Variants in RTN1 observed in about 807,000 individuals in gnomAD.
The protein encoded by RTN1 is reticulon 1, also known as reticulon-1.
RTN1 carries 25 observed loss-of-function variants against 65.5 expected under a neutral mutation model. The ratio of observed to expected loss-of-function variants is 0.38; its 90% CI spans 0.28 to 0.53. The LOEUF (loss-of-function observed/expected upper bound fraction) is 0.53, where lower values mean the gene tolerates loss of function less well. Ranked by LOEUF, RTN1 falls within the 20% of genes least tolerant of loss-of-function variation. The pLI is 0.79. For synonymous variants in RTN1, 471 were observed against 447.6 expected (o/e 1.05, Z -0.66); for missense variants, 983 against 1,025.4 (o/e 0.96, Z 0.57).
At chr14:59,609,192 G>A (rs1011280344) in intron 3 of RTN1, among the ~76,000 whole-genome samples, 10 of 151,824 alleles carry the variant, frequency 6.6e-5, no homozygotes, top group African/African-American at 2.4e-4. Context: ...GGCTGAGGCA[G>A]AAGAATCGCT....
At chr14:59,597,641 G>A (rs529044393) in intron 8 of RTN1, among the ~76,000 whole-genome samples, 1 of 152,296 alleles carries the variant, frequency 6.6e-6, no homozygotes, top group East Asian at 1.9e-4. Context: ...TAAACTAGAA[G>A]ACAAGAGAAG....
intron 3 of RTN1, among the ~76,000 whole-genome samples, chr14:59,695,524 G>A (rs1158583940): frequency 6.6e-6 from 1 of 152,118 alleles, no homozygotes; most frequent in East Asian, 1.9e-4. Flanking sequence ...GTTCCAAAAC[G>A]AAAACATGCA....
At chr14:59,845,906 T>A (rs1887400103) in intron 1 of RTN1, among the ~76,000 whole-genome samples, 1 of 151,918 alleles carries the variant, frequency 6.6e-6, no homozygotes, top group Admixed American at 6.6e-5. Flanking sequence ...TAGAACATGC[T>A]AGAGGAGAAA....
intron 1 of RTN1, among the ~76,000 whole-genome samples, chr14:59,756,704 T>G (rs919228820): frequency 5.9e-5 from 9 of 152,200 alleles, no homozygotes; most frequent in Non-Finnish European, 1.0e-4. Context: ...CTCAATGCTA[T>G]GTATAACATG....
intron 3 of RTN1, among the ~76,000 whole-genome samples, chr14:59,638,415 TTGA>T (rs750931443): frequency 1.3e-5 from 2 of 152,210 alleles, no homozygotes; most frequent in Non-Finnish European, 2.9e-5. Flanking sequence ...TATCCAGGCT[TTGA>T]TGTTAAATTT....
intron 3 of RTN1, among the ~76,000 whole-genome samples, chr14:59,664,306 G>A (rs535574229): frequency 3.3e-5 from 5 of 152,214 alleles, no homozygotes; most frequent in African/African-American, 7.2e-5. Context: ...ATCACATATC[G>A]GGGCCTGTCA....
At chr14:59,660,067 C>A (rs1453842180) in intron 3 of RTN1, among the ~76,000 whole-genome samples, 1 of 151,828 alleles carries the variant, frequency 6.6e-6, no homozygotes, top group African/African-American at 2.4e-5. Context: ...AAATGGAAAG[C>A]AAAACAAGCA....
chr14:59,819,429 CCCA>C lies in RTN1; in HGVS notation c.241+50958_241+50960del, dbSNP rs1420857058. On this transcript the variant is annotated intron_variant, in intron 1 of 8. Coordinates refer to ENST00000267484, the MANE Select transcript of RTN1 (RefSeq NM_021136.3). ...CACCACCACCACCCCCCCCCCACCC[CCCA>C]CCCCCCCCCCCCGGCCACAGCTAGA... 1.6e-3 allele frequency among the ~76,000 whole-genome samples: 23 copies of C among 14,494 alleles called. 1 individual carries two copies. The highest frequency in any genetic ancestry group is 5.5e-3 in the East Asian group (2 of 366). The allele number at this position is 14,494 out of a possible 152,430, so 9.5% of individuals were successfully genotyped here. A position where few individuals can be genotyped will look rare whatever the true frequency, so the allele number is the denominator to read the frequency against.
intron 8 of RTN1, among the ~76,000 whole-genome samples, chr14:59,600,014 AT>A (rs1381449254): frequency 2.0e-5 from 3 of 152,174 alleles, no homozygotes; most frequent in African/African-American, 7.2e-5. Flanking sequence ...CGAAGCTTTA[AT>A]TTCCTCTACA....
intron 1 of RTN1, among the ~76,000 whole-genome samples, chr14:59,831,108 C>T (rs1887117041): frequency 6.6e-6 from 1 of 152,198 alleles, no homozygotes; most frequent in Non-Finnish European, 1.5e-5. Context: ...TTCTCTTCAT[C>T]TACACTTGAA....
chr14:59,667,563 G>C (rs2103969), intron 3 of RTN1, among the ~76,000 whole-genome samples: 121,404 of 152,120 alleles, frequency 0.8, 48,570 homozygotes, highest in Admixed American at 0.86. Context: ...ACAAGGATGA[G>C]CTCTCTCACC....
intron 1 of RTN1, among the ~76,000 whole-genome samples, chr14:59,768,923 A>G (rs1218919469): frequency 1.3e-5 from 2 of 152,208 alleles, no homozygotes; most frequent in East Asian, 3.9e-4. Flanking sequence ...CAGAGACTTG[A>G]ACAAGGTATT....
intron 3 of RTN1, among the ~76,000 whole-genome samples, chr14:59,628,362 T>G (rs534078804): frequency 2.0e-4 from 31 of 152,260 alleles, no homozygotes; most frequent in Non-Finnish European, 3.1e-4. Flanking sequence ...CACAACTGTT[T>G]TTGATAATAA....
At chr14:59,865,650 CA>C (rs1471086882) in intron 1 of RTN1, among the ~76,000 whole-genome samples, 2 of 152,138 alleles carry the variant, frequency 1.3e-5, no homozygotes, top group African/African-American at 4.8e-5. Flanking sequence ...TTTAACCAAA[CA>C]AAACTGGTTG....
chr14:59,739,521 A>G (rs550203967), intron 2 of RTN1, among the ~76,000 whole-genome samples: 4 of 149,060 alleles, frequency 2.7e-5, no homozygotes, highest in Non-Finnish European at 5.9e-5. Flanking sequence ...AGCCTGGGCA[A>G]CAGAGCGAGA....
chr14:59,752,511 A>T (rs1282822052), intron 1 of RTN1, among the ~76,000 whole-genome samples: 1 of 152,086 alleles, frequency 6.6e-6, no homozygotes, highest in Non-Finnish European at 1.5e-5. Context: ...GTGCACAAAC[A>T]TTCAGATCAC....
chr14:59,857,528 G>T (rs773462954), intron 1 of RTN1, among the ~76,000 whole-genome samples: 1 of 151,766 alleles, frequency 6.6e-6, no homozygotes, highest in Admixed American at 6.6e-5. Context: ...TCCTCCCCTC[G>T]TCCCCAGATA....
chr14:59,607,252 A>C lies in RTN1; in HGVS notation c.1973+33T>G, dbSNP rs1881786701. The stretch of plus-strand genomic sequence containing the variant: ...CAGGTGAGGGTAAAAGCCCCTGGTC[A>C]GTGGGTGAGGGCTCCTCAGCTGAGG... On this transcript the variant is annotated intron_variant, in intron 4 of 8. Transcript: ENST00000267484. The C allele has an allele frequency of 1.9e-6, 3 of 1,594,888 alleles. No individual in the cohort carries two copies. The East Asian group carries it at 6.7e-5, about 36-fold the overall frequency.
intron 1 of RTN1, among the ~76,000 whole-genome samples, chr14:59,819,746 C>T (rs1288198019): frequency 1.3e-5 from 2 of 152,120 alleles, no homozygotes; most frequent in Admixed American, 6.5e-5. Context: ...AGCAAGAATT[C>T]GAGCACTGCG....
Sources: gnomAD v4.1 joint callset for allele counts (sites outside exome capture counted in the v4.1 genomes callset) on GRCh38, gnomAD v4.1.1 for gene constraint, MANE v1.5 for transcripts, NCBI Gene and HGNC (gene_info 2026-07-23, HGNC 2026-07-21) for gene names.